KCNQ1: variants seen among roughly 807,000 people sequenced by gnomAD.
KCNQ1 encodes potassium voltage-gated channel subfamily KQT member 1.
A neutral mutation model predicts 72.4 loss-of-function variants in KCNQ1; 49 were observed. The ratio of observed to expected loss-of-function variants is 0.68; its 90% CI spans 0.54 to 0.86. KCNQ1 has a LOEUF of 0.86. KCNQ1 is among the 40% of genes least tolerant of loss of function. The pLI is 0.00. For missense variants in KCNQ1, 790 were observed against 945.1 expected (o/e 0.84, Z 2.15); for synonymous variants, 450 against 412.6 (o/e 1.09, Z -1.10).
intron 10 of KCNQ1, among the ~76,000 whole-genome samples, chr11:2,597,904 C>T (rs1330195457): frequency 6.6e-6 from 1 of 152,044 alleles, no homozygotes; most frequent in Non-Finnish European, 1.5e-5. Context: ...ATTTTATGGT[C>T]TTCTCTATCA....
intron 11 of KCNQ1, chr11:2,688,317 TCACA>T (rs1336320032): frequency 2.5e-6 from 1 of 398,636 alleles, no homozygotes; most frequent in Non-Finnish European, 4.4e-6. Flanking sequence ...TCTAAGCACG[TCACA>T]CACACAGCTT....
At chr11:2,597,103 T>C (rs543275587) in intron 10 of KCNQ1, among the ~76,000 whole-genome samples, 1 of 152,264 alleles carries the variant, frequency 6.6e-6, no homozygotes, top group East Asian at 1.9e-4. Flanking sequence ...GCTGGATGAC[T>C]TCAATTATGA....
At chr11:2,689,350 T>C (rs1200190651) in intron 11 of KCNQ1, 4 of 398,520 alleles carry the variant, frequency 1.0e-5, no homozygotes, top group Non-Finnish European at 1.8e-5. Context: ...TTGAGGCCTT[T>C]AGGTCAGCCT....
rs1270631436 is a variant in KCNQ1, at chr11:2,473,071, G to A, written c.386+27587G>A. ...CAGATCATGTCCCTGAGTGGGGAGC[G>A]CCTTCTGGGCAGAGTGGCACACAGG... On this transcript the variant is annotated intron_variant, in intron 1 of 15. Transcript: ENST00000155840. The surrounding 1 kb of genome is among the most constrained non-coding windows in gnomAD (Gnocchi z 6.0). Among the ~76,000 whole-genome samples the A allele has an allele frequency of 1.3e-5, 2 of 152,088 alleles. No homozygotes were observed. Among genetic ancestry groups the A allele is most frequent in the African/African-American group, 4.8e-5 (2 of 41,406 alleles).
intron 15 of KCNQ1, among the ~76,000 whole-genome samples, chr11:2,795,484 A>C (rs1847112339): frequency 6.6e-6 from 1 of 152,222 alleles, no homozygotes; most frequent in East Asian, 1.9e-4. Context: ...AGCAATTGCT[A>C]AAGACACAGT....
rs1203947790 is a variant in KCNQ1, at chr11:2,603,253, G to C, written c.1393+14399G>C. On this transcript the variant is annotated intron_variant, in intron 10 of 15. Coordinates refer to ENST00000155840, the MANE Select transcript of KCNQ1 (RefSeq NM_000218.3). The surrounding 1 kb of genome is among the most constrained non-coding windows in gnomAD (Gnocchi z 4.1). ...AAGTGTGCAATAGCCCCATGTCTAA[G>C]AAAACAATGTGCCTACCTTAATTGA... 6.6e-6 allele frequency among the ~76,000 whole-genome samples: 1 copy of C among 152,138 alleles called. No homozygotes were observed. Among genetic ancestry groups the C allele is most frequent in the Non-Finnish European group, 1.5e-5 (1 of 68,020 alleles).
chr11:2,685,703 G>A (rs1276272807), intron 11 of KCNQ1: 4 of 398,536 alleles, frequency 1.0e-5, no homozygotes, highest in African/African-American at 6.2e-5. Context: ...CTTCGGTCTG[G>A]GACCCCAGGG....
chr11:2,490,959 G>A (rs1188473705), intron 1 of KCNQ1, among the ~76,000 whole-genome samples: 3 of 152,132 alleles, frequency 2.0e-5, no homozygotes, highest in African/African-American at 4.8e-5. Flanking sequence ...GCCCGCCTCG[G>A]CCTCCCAAAG....
chr11:2,657,972 C>T lies in KCNQ1; in HGVS notation c.1394-3989C>T, dbSNP rs1317033238. On this transcript the variant is annotated intron_variant, in intron 10 of 15. Coordinates refer to ENST00000155840, the MANE Select transcript of KCNQ1 (RefSeq NM_000218.3). The surrounding 1 kb of genome is among the most constrained non-coding windows in gnomAD (Gnocchi z 4.8). ...TTGAGCCACTCGTTTAAAGTGGTGT[C>T]GGCCAGGCTCCTCCACTGTAAGTGA... 1.3e-5 allele frequency: 5 copies of T among 398,400 alleles called. No homozygotes were observed. Among genetic ancestry groups the T allele is most frequent in the East Asian group, 1.1e-4 (3 of 28,090 alleles). The allele number at this position is 398,400 out of a possible 1,614,324, so 24.7% of individuals were successfully genotyped here.
chr11:2,594,401 T>A (rs1443582676), intron 10 of KCNQ1, among the ~76,000 whole-genome samples: 2 of 152,222 alleles, frequency 1.3e-5, no homozygotes, highest in African/African-American at 4.8e-5. Flanking sequence ...GGTGGTGCAT[T>A]ATTTTTATTT....
intron 10 of KCNQ1, chr11:2,633,946 C>T (rs1400010308): frequency 1.5e-5 from 6 of 398,564 alleles, no homozygotes; most frequent in African/African-American, 1.0e-4. Flanking sequence ...GGAAAATCCA[C>T]GTATAAATGA....
intron 10 of KCNQ1, chr11:2,643,876 G>A (rs951886539): frequency 5.0e-6 from 2 of 398,502 alleles, no homozygotes; most frequent in Non-Finnish European, 8.8e-6. Flanking sequence ...CAGTATTCCT[G>A]GCTGGCAGGT....
At chr11:2,616,966 T>TGG in intron 10 of KCNQ1, 1 of 365,586 alleles carries the variant, frequency 2.7e-6, no homozygotes, top group Non-Finnish European at 4.8e-6. Context: ...TTGTTGTGTT[T>TGG]TTTTTTTTTA....
At chr11:2,519,492 C>T (rs60983812) in intron 1 of KCNQ1, among the ~76,000 whole-genome samples, 3,481 of 152,226 alleles carry the variant, frequency 0.023, 110 homozygotes, top group African/African-American at 0.072. Context: ...TGGTGGCTTA[C>T]GCCTGTAATC....
At chr11:2,836,358 T>C (rs1341814513) in intron 15 of KCNQ1, among the ~76,000 whole-genome samples, 1 of 152,172 alleles carries the variant, frequency 6.6e-6, no homozygotes, top group Non-Finnish European at 1.5e-5. Flanking sequence ...TCCATCCGTC[T>C]GTCTGTGGGG....
intron 2 of KCNQ1, among the ~76,000 whole-genome samples, chr11:2,557,892 A>G (rs1848095854): frequency 6.6e-6 from 1 of 152,212 alleles, no homozygotes. Context: ...TTGTTCCCTT[A>G]TGTCTGCGGA....
intron 12 of KCNQ1, among the ~76,000 whole-genome samples, chr11:2,775,248 T>C (rs937416350): frequency 3.9e-5 from 6 of 152,164 alleles, no homozygotes; most frequent in African/African-American, 4.8e-5. Context: ...GATGCTTTGT[T>C]TTCTCTGTTG....
In KCNQ1 at chr11:2,482,601, A is replaced by C. The variant is rs1056875377; in HGVS notation, c.386+37117A>C. Reference sequence around the variant, plus strand: ...AATCACCTTCCGGGAGTGTTTTCCTAATTTAGCTTCCTACTGTGCTGCTGG... The same window carrying C: ...AATCACCTTCCGGGAGTGTTTTCCTCATTTAGCTTCCTACTGTGCTGCTGG... On this transcript the variant is annotated intron_variant, in intron 1 of 15. Coordinates refer to ENST00000155840, the MANE Select transcript of KCNQ1 (RefSeq NM_000218.3). The surrounding 1 kb of genome is among the most constrained non-coding windows in gnomAD (Gnocchi z 5.7). Among the ~76,000 whole-genome samples, 2 of 151,938 alleles carry C rather than the reference A, an allele frequency of 1.3e-5. No homozygotes were observed. Among genetic ancestry groups the C allele is most frequent in the African/African-American group, 2.4e-5 (1 of 41,356 alleles).
At chr11:2,655,930 A>G in intron 10 of KCNQ1, 1 of 398,716 alleles carries the variant, frequency 2.5e-6, no homozygotes. Flanking sequence ...TAAACCAAAA[A>G]GCACACATTC....
Sources: gnomAD v4.1 joint callset for allele counts (sites outside exome capture counted in the v4.1 genomes callset) on GRCh38, gnomAD v4.1.1 for gene constraint, Gnocchi (gnomAD v3.1) non-coding constraint, MANE v1.5 for transcripts, NCBI Gene and HGNC (gene_info 2026-07-23, HGNC 2026-07-21) for gene names.